The following DMXL1 variants were observed in gnomAD, a reference collection of about 807,000 sequenced individuals.
DMXL1 encodes dmX-like protein 1.
A neutral mutation model predicts 319.2 loss-of-function variants in DMXL1; 99 were observed. The ratio of observed to expected loss-of-function variants is 0.31; its 90% CI spans 0.26 to 0.37. DMXL1 has a LOEUF of 0.37. Among genes scored for constraint, DMXL1 ranks in the 10% least tolerant of loss-of-function variants. The pLI, the probability that DMXL1 is intolerant of heterozygous loss-of-function variation, is 1.00. For synonymous variants in DMXL1, 1,385 were observed against 1,235.2 expected, an observed-to-expected ratio of 1.12 and a Z score of -2.54; for missense variants, 3,745 against 3,595.6, an observed-to-expected ratio of 1.04 and a Z score of -1.06.
intron 1 of DMXL1, among the ~76,000 whole-genome samples, chr5:119,077,886 T>TAC (rs150990404): frequency 5.6e-4 from 78 of 138,886 alleles, no homozygotes; most frequent in African/African-American, 1.2e-3. Context: ...TAGATATATA[T>TAC]ACACACACAC....
At chr5:119,216,719 A>C (rs1783766199) in intron 34 of DMXL1, among the ~76,000 whole-genome samples, 182 bp from the exon 35 acceptor site, 1 of 152,192 alleles carries the variant, frequency 6.6e-6, no homozygotes, top group Non-Finnish European at 1.5e-5. Flanking sequence ...GTTTGAAGAA[A>C]TTTAAATTTC....
chr5:119,241,409 CCTGTAG>C (rs1235139349), intron 42 of DMXL1, among the ~76,000 whole-genome samples: 1 of 151,850 alleles, frequency 6.6e-6, no homozygotes, highest in Non-Finnish European at 1.5e-5. Flanking sequence ...GTGGTGGATG[CCTGTAG>C]TCCTAGCTAC....
In DMXL1 at chr5:119,171,224, G is replaced by A. The variant is rs1234449698; in HGVS notation, c.6433G>A (p.Gly2145Arg). The change falls in exon 24 of 44, where the codon GGG becomes AGG. Residue 2145 changes from glycine to arginine, a missense_variant. Around this residue, in one of 4 missense-constraint regions of DMXL1, gnomAD observed 1,382 missense variants for 1,269.5 expected, o/e 1.09. Coordinates refer to ENST00000539542, the MANE Select transcript of DMXL1 (RefSeq NM_001290321.3). ...SYCILHGSHG[G>R]GLASVRMELI... The stretch of plus-strand genomic sequence containing the variant: ...CTGCATACTTCATGGATCCCATGGT[G>A]GGGGTCTTGCATCTGTAAGAATGGA... 9.9e-6 allele frequency: 16 copies of A among 1,611,888 alleles called. No individual in the cohort carries two copies. The highest frequency in any genetic ancestry group is 1.4e-5 in the Non-Finnish European group (16 of 1,178,600).
chr5:119,122,365 C>T (rs1465020826), intron 9 of DMXL1, among the ~76,000 whole-genome samples: 3 of 149,478 alleles, frequency 2.0e-5, no homozygotes, highest in Admixed American at 6.6e-5. Context: ...CAGAGGGGCT[C>T]CTCACTTCCC....
chr5:119,094,659 G>T (rs918020195), intron 1 of DMXL1, among the ~76,000 whole-genome samples: 1 of 152,126 alleles, frequency 6.6e-6, no homozygotes, highest in South Asian at 2.1e-4. Context: ...TGATTGATCT[G>T]GACAAAGTAA....
intron 28 of DMXL1, among the ~76,000 whole-genome samples, chr5:119,186,320 G>C (rs933556736): frequency 3.3e-5 from 5 of 152,176 alleles, no homozygotes; most frequent in Non-Finnish European, 5.9e-5. Context: ...GCCCAGGCTG[G>C]AGTGCAATGG....
chr5:119,090,470 A>G (rs1258997047), intron 1 of DMXL1, among the ~76,000 whole-genome samples: 1 of 150,818 alleles, frequency 6.6e-6, no homozygotes, highest in Non-Finnish European at 1.5e-5. Flanking sequence ...ATCCCTCTTG[A>G]ATGCCAATTC....
chr5:119,172,072 G>A (rs971069554), intron 25 of DMXL1, 103 bp downstream of exon 25: 4 of 1,083,750 alleles, frequency 3.7e-6, no homozygotes, highest in Non-Finnish European at 5.2e-6. Context: ...ATCAGACTAA[G>A]CATAGCAATT....
chr5:119,125,818 C>A (rs1763422305), intron 9 of DMXL1, among the ~76,000 whole-genome samples: 2 of 152,130 alleles, frequency 1.3e-5, no homozygotes, highest in African/African-American at 4.8e-5. Flanking sequence ...CCCACCTTGA[C>A]CTCCCAAAGC....
rs1054104262 is a variant in DMXL1, at chr5:119,189,604, T to G, written c.7136-104T>G. 9.0e-6 allele frequency: 9 copies of G among 996,336 alleles called. No individual in the cohort carries two copies. The African/African-American group carries it at 1.3e-4, about 14-fold the overall frequency. 61.7% of individuals were successfully genotyped at this position (996,336 alleles called of 1,614,324 possible). On this transcript the variant is annotated intron_variant, in intron 28 of 43. Coordinates refer to ENST00000539542, the MANE Select transcript of DMXL1 (RefSeq NM_001290321.3). Reference sequence around the variant, plus strand: ...CTTTCATAATCTCAATCTTATTTTTTTGTGTGTGCTTATTTGTAGTTAACC... The same window carrying G: ...CTTTCATAATCTCAATCTTATTTTTGTGTGTGTGCTTATTTGTAGTTAACC...
At chr5:119,172,794 C>A (rs879673780) in intron 25 of DMXL1, among the ~76,000 whole-genome samples, 5 of 152,036 alleles carry the variant, frequency 3.3e-5, no homozygotes, top group Non-Finnish European at 7.4e-5. Flanking sequence ...TTGTATCACA[C>A]CAATTCGATT....
intron 1 of DMXL1, among the ~76,000 whole-genome samples, chr5:119,074,101 T>G (rs1014676831): frequency 6.6e-6 from 1 of 152,162 alleles, no homozygotes; most frequent in South Asian, 2.1e-4. Flanking sequence ...TATTTTTTAG[T>G]AGAGGTGGGG....
chr5:119,168,956 C>T (rs983707339), intron 23 of DMXL1, among the ~76,000 whole-genome samples: 1 of 152,044 alleles, frequency 6.6e-6, no homozygotes, highest in African/African-American at 2.4e-5. Flanking sequence ...GGCTGGAGTG[C>T]AGTGGGGCTA....
intron 3 of DMXL1, chr5:119,104,255 T>C (rs1318183469): frequency 6.6e-6 from 1 of 152,192 alleles, no homozygotes; most frequent in Non-Finnish European, 1.5e-5. Flanking sequence ...CACTTATATG[T>C]CTTGTTCTAG....
intron 36 of DMXL1, 143 bp from the exon 37 acceptor site, chr5:119,220,797 T>A: frequency 8.8e-6 from 10 of 1,142,402 alleles, no homozygotes; most frequent in Non-Finnish European, 1.2e-5. Context: ...TGTTGAGGTA[T>A]GAGGTCATTG....
At chr5:119,087,583 C>A (rs12514184) in intron 1 of DMXL1, among the ~76,000 whole-genome samples, 152,197 of 152,322 alleles carry the variant, frequency 1, 76,036 homozygotes, top group Middle Eastern at 1. Context: ...AGATATGTCT[C>A]TTCTTGGGAA....
At chr5:119,218,115 A>T (rs1029220319) in intron 35 of DMXL1, among the ~76,000 whole-genome samples, 12 of 152,064 alleles carry the variant, frequency 7.9e-5, no homozygotes, top group African/African-American at 2.9e-4. Context: ...GGTTGCTCAC[A>T]CCTGTCATCC....
At chr5:119,136,118 T>TA (rs1765937200) in intron 13 of DMXL1, among the ~76,000 whole-genome samples, 1 of 152,228 alleles carries the variant, frequency 6.6e-6, no homozygotes, top group African/African-American at 2.4e-5. Context: ...ATGACGAACT[T>TA]ACTGGGATCT....
intron 33 of DMXL1, among the ~76,000 whole-genome samples, chr5:119,205,225 A>AT (rs1781542605): frequency 6.6e-6 from 1 of 152,122 alleles, no homozygotes; most frequent in Non-Finnish European, 1.5e-5. Context: ...ATATTTGGGT[A>AT]TTTGGGAAAT....
Sources: allele counts gnomAD v4.1 joint callset (sites outside exome capture counted in the v4.1 genomes callset), GRCh38; gene constraint gnomAD v4.1.1; regional missense constraint gnomAD v4.1.1; transcripts MANE v1.5; gene names NCBI Gene and HGNC (gene_info 2026-07-23, HGNC 2026-07-21).